Variants in PSME4 observed in about 807,000 individuals in gnomAD.
PSME4 encodes the protein proteasome activator subunit 4.
PSME4 carries 89 observed loss-of-function variants against 253.9 expected under a neutral mutation model. The ratio of observed to expected loss-of-function variants is 0.35; its 90% CI spans 0.30 to 0.42. The LOEUF (loss-of-function observed/expected upper bound fraction) is 0.42, where lower values mean the gene tolerates loss of function less well. PSME4 is among the 10% of genes least tolerant of loss of function. The probability of loss-of-function intolerance (pLI) is 1.00; values close to 1 mark genes in which losing one functional copy is unlikely to be tolerated. For missense variants in PSME4, 2,014 were observed against 2,195.2 expected (o/e 0.92, Z 1.65); for synonymous variants, 851 against 759.2 (o/e 1.12, Z -1.99).
At chr2:53,888,999 G>A (rs1679767318) in intron 37 of PSME4, among the ~76,000 whole-genome samples, 187 bp from the exon 38 acceptor site, 2 of 152,118 alleles carry the variant, frequency 1.3e-5, no homozygotes, top group Non-Finnish European at 2.9e-5. Context: ...TCAAGTAGCT[G>A]GGACCACAGG....
Position 53,901,514 on chromosome 2 carries a change from C to G in PSME4, c.3121G>C (p.Ala1041Pro). The change falls in exon 28 of 47, where the codon GCA becomes CCA. Residue 1041 changes from alanine to proline, a missense_variant. Physicochemically the swap from Ala to Pro is conservative, Grantham distance 27 (BLOSUM62 -1). Transcript: ENST00000404125. ...LLGNHSGVCLANLHDWDCIVQ... is the reference protein window; with the variant it reads ...LLGNHSGVCLPNLHDWDCIVQ... The stretch of plus-strand genomic sequence containing the variant: ...ATACAGTCCCAATCATGAAGGTTTG[C>G]CAAGCACACACCACTGTGATTTCCA... 6.2e-7 allele frequency: 1 copy of G among 1,613,758 alleles called. No individual in the cohort carries two copies. The highest frequency in any genetic ancestry group is 8.5e-7 in the Non-Finnish European group (1 of 1,179,764).
chr2:53,891,394 C>T (rs897224245), intron 36 of PSME4, among the ~76,000 whole-genome samples: 1 of 152,172 alleles, frequency 6.6e-6, no homozygotes, highest in Non-Finnish European at 1.5e-5. Context: ...CTTCCAAGTG[C>T]TACCCCTGCT....
At chr2:53,943,790 C>T (rs1211025804) in intron 3 of PSME4, among the ~76,000 whole-genome samples, 1 of 146,802 alleles carries the variant, frequency 6.8e-6, no homozygotes, top group Non-Finnish European at 1.5e-5. Flanking sequence ...TGCGGTGAGT[C>T]CAGATTGTGC....
chr2:53,930,543 A>G (rs1231104056), intron 10 of PSME4, among the ~76,000 whole-genome samples: 4 of 152,222 alleles, frequency 2.6e-5, no homozygotes, highest in Non-Finnish European at 5.9e-5. Context: ...ATAAGCTGGA[A>G]GAGTTTCAAT....
intron 1 of PSME4, among the ~76,000 whole-genome samples, chr2:53,968,844 C>G (rs1039283544): frequency 6.6e-6 from 1 of 152,182 alleles, no homozygotes; most frequent in Non-Finnish European, 1.5e-5. Flanking sequence ...ACTCGGAGTG[C>G]TAATTTACCA....
At chr2:53,909,926 C>T (rs186899268) in intron 21 of PSME4, 149 bp downstream of exon 21, 175 of 748,026 alleles carry the variant, frequency 2.3e-4, no homozygotes, top group Middle Eastern at 1.6e-3. Context: ...GCAGAGATCG[C>T]GTCACCACAC....
rs150943438 is a variant in PSME4, at chr2:53,957,248, C to T, written c.243-7965G>A. ...TGGAAAACAATTTTTCCACAGATGG[C>T]GGGGGTAGTTTTGGGATGATTTGAG... On this transcript the variant is annotated intron_variant, in intron 1 of 46. Transcript: ENST00000404125. Among the ~76,000 whole-genome samples the T allele has an allele frequency of 1.1e-4, 16 of 152,142 alleles. No homozygotes were observed. In the East Asian group the frequency reaches 2.7e-3, roughly 26 times the overall value.
At chr2:53,955,787 T>C (rs983405450) in intron 1 of PSME4, among the ~76,000 whole-genome samples, 1 of 149,054 alleles carries the variant, frequency 6.7e-6, no homozygotes, top group Non-Finnish European at 1.5e-5. Context: ...CCGGGCGTGA[T>C]AGCGCATGTC....
intron 27 of PSME4, among the ~76,000 whole-genome samples, chr2:53,901,974 G>C (rs1360239938): frequency 6.6e-6 from 1 of 152,174 alleles, no homozygotes; most frequent in Non-Finnish European, 1.5e-5. Context: ...GGCTGAGGTG[G>C]GAGGATCACT....
chr2:53,965,246 A>ATTT (rs35223836), intron 1 of PSME4, among the ~76,000 whole-genome samples: 1 of 141,518 alleles, frequency 7.1e-6, no homozygotes, highest in Non-Finnish European at 1.5e-5. Context: ...AGGCCAAGTG[A>ATTT]TTTTTTTTTT....
intron 44 of PSME4, among the ~76,000 whole-genome samples, chr2:53,868,182 T>C (rs1013017538): frequency 2.0e-5 from 3 of 151,528 alleles, no homozygotes; most frequent in Non-Finnish European, 4.4e-5. Flanking sequence ...TCAGGCCAGG[T>C]GCTGTGGCTC....
At chr2:53,881,796 C>T (rs927498095) in intron 41 of PSME4, among the ~76,000 whole-genome samples, 1 of 152,166 alleles carries the variant, frequency 6.6e-6, no homozygotes, top group Admixed American at 6.5e-5. Context: ...GTGGTTCAGG[C>T]TGGTCTCAAA....
At chr2:53,876,556 T>C (rs1340246896) in intron 41 of PSME4, among the ~76,000 whole-genome samples, 1 of 151,686 alleles carries the variant, frequency 6.6e-6, no homozygotes, top group Admixed American at 6.6e-5. Context: ...GAAATGGTCA[T>C]TCCTTCTTCA....
Position 53,970,770 on chromosome 2 carries a change from C to T in PSME4, c.15G>A (p.Glu5=), listed in dbSNP as rs1671041587. The T allele has an allele frequency of 1.3e-6, 2 of 1,542,668 alleles. No individual in the cohort carries two copies. Among genetic ancestry groups the T allele is most frequent in the Non-Finnish European group, 1.7e-6 (2 of 1,144,464 alleles). Residue 5 remains glutamate, a synonymous_variant, in exon 1 of 47, where the codon GAG becomes GAA. Transcript: ENST00000404125. MEPA[E]RAGVGEPPEP... ...CCGGGGGCTCTCCGACTCCCGCCCG[C>T]TCGGCCGGCTCCATGAGCCCAGGGA...
chr2:53,952,506 G>A (rs1213379405), intron 1 of PSME4, among the ~76,000 whole-genome samples: 2 of 152,176 alleles, frequency 1.3e-5, no homozygotes. Context: ...TGGTGCTAGA[G>A]TTCTCCAGCC....
intron 29 of PSME4, 108 bp downstream of exon 29, chr2:53,899,773 G>A (rs1680308581): frequency 1.9e-5 from 25 of 1,331,028 alleles, no homozygotes; most frequent in Non-Finnish European, 2.3e-5. Flanking sequence ...AGCCATGATC[G>A]TCTCACTGTA....
chr2:53,955,859 T>A (rs1227646269), intron 1 of PSME4, among the ~76,000 whole-genome samples: 1 of 152,034 alleles, frequency 6.6e-6, no homozygotes, highest in African/African-American at 2.4e-5. Context: ...GAAGCGAAGG[T>A]TGCAACGTGC....
intron 20 of PSME4, among the ~76,000 whole-genome samples, chr2:53,912,582 T>G (rs778856974): frequency 1.9e-4 from 29 of 152,118 alleles, no homozygotes; most frequent in Non-Finnish European, 3.5e-4. Flanking sequence ...CACCTCAGGC[T>G]CTTGAGTAGC....
intron 22 of PSME4, 99 bp downstream of exon 22, chr2:53,908,684 TA>T (rs1667677201): frequency 2.1e-6 from 3 of 1,440,148 alleles, no homozygotes; most frequent in Non-Finnish European, 1.9e-6. Flanking sequence ...TCTCACCATT[TA>T]GAATAAAAAA....
Sources: allele counts gnomAD v4.1 joint callset (sites outside exome capture counted in the v4.1 genomes callset), GRCh38; gene constraint gnomAD v4.1.1; transcripts MANE v1.5; gene names NCBI Gene and HGNC (gene_info 2026-07-23, HGNC 2026-07-21).